The following SNX8 variants were observed in gnomAD, a reference collection of about 807,000 sequenced individuals.
The protein encoded by SNX8 is sorting nexin 8, also known as sorting nexin-8.
A neutral mutation model predicts 51.6 loss-of-function variants in SNX8; 25 were observed. The observed-to-expected ratio is 0.48, with a 90% CI of 0.35 to 0.68. SNX8 has a LOEUF of 0.68. Ranked by LOEUF, SNX8 falls within the 30% of genes least tolerant of loss-of-function variation. SNX8 has a pLI of 0.00. For synonymous variants in SNX8, 324 were observed against 277.0 expected (o/e 1.17, Z -1.68); for missense variants, 695 against 624.0 (o/e 1.11, Z -1.21).
chr7:2,324,905 A>G lies in SNX8; in HGVS notation c.-66+29317T>C, dbSNP rs1408375366. On this transcript the variant is annotated intron_variant, in intron 1 of 5. Coordinates refer to the SNX8 transcript ENST00000435336. ...ACTGCAGCCTCCGTCTCCTGGGTAC[A>G]AGAGATCCTCCTTCCTCAGCCTGCT... 2.0e-5 allele frequency among the ~76,000 whole-genome samples: 3 copies of G among 152,102 alleles called. No homozygotes were observed. In the East Asian group the frequency reaches 5.8e-4, roughly 29 times the overall value.
At chr7:2,293,653 C>A (rs1055026567) in intron 1 of SNX8, among the ~76,000 whole-genome samples, 1 of 149,482 alleles carries the variant, frequency 6.7e-6, no homozygotes, top group Non-Finnish European at 1.5e-5. Context: ...CAAAGCAAGA[C>A]TCCATCTCAA....
intron 1 of SNX8, among the ~76,000 whole-genome samples, chr7:2,345,934 A>G (rs1191676467): frequency 6.6e-6 from 1 of 151,888 alleles, no homozygotes; most frequent in Non-Finnish European, 1.5e-5. Flanking sequence ...CAGCCTCCCG[A>G]GTAGCTGGGA....
intron 10 of SNX8, among the ~76,000 whole-genome samples, chr7:2,256,479 C>G (rs975279715): frequency 6.6e-6 from 1 of 152,250 alleles, no homozygotes; most frequent in African/African-American, 2.4e-5. Context: ...CTGAAGGAAC[C>G]GCCATCTGCT....
chr7:2,303,243 G>GC (rs1166135732), intron 1 of SNX8, among the ~76,000 whole-genome samples: 5 of 142,998 alleles, frequency 3.5e-5, no homozygotes, highest in East Asian at 4.1e-4. Flanking sequence ...CAGGGGGTCA[G>GC]CCCCCCGCCC....
At chr7:2,316,196 C>A (rs147600243), upstream of SNX8, among the ~76,000 whole-genome samples, 536 of 150,688 alleles carry the variant, frequency 3.6e-3, 3 homozygotes, top group African/African-American at 0.012. Flanking sequence ...CTGCATCCTG[C>A]ATTCACTCAC....
intron 1 of SNX8, among the ~76,000 whole-genome samples, chr7:2,348,200 C>T (rs1779069233): frequency 6.6e-6 from 1 of 152,098 alleles, no homozygotes; most frequent in Non-Finnish European, 1.5e-5. Flanking sequence ...TTTCTTCTGC[C>T]AACTCGAATT....
chr7:2,334,505 C>T (rs1460393923), intron 1 of SNX8, among the ~76,000 whole-genome samples: 2 of 151,996 alleles, frequency 1.3e-5, no homozygotes, highest in East Asian at 3.9e-4. Context: ...GGAGACCAGC[C>T]TGGCAAACAC....
Position 2,275,179 on chromosome 7 carries a change from C to G in SNX8, c.351G>C (p.Gln117His). ...YRRYNDFVVF[Q>H]EMLLHKFPYR... ...AGGGGAACTTGTGCAGGAGCATCTC[C>G]TGGAAGACCACGAAGTCATTGTACC... The change falls in exon 3 of 11, where the codon CAG (glutamine) becomes CAC (histidine). Residue 117 changes from glutamine (Q) to histidine (H), a missense_variant. Gln to His is a conservative substitution (Grantham distance 24). Transcript: ENST00000222990. 1 of 1,614,192 alleles carries G rather than the reference C, an allele frequency of 6.2e-7. No homozygotes were observed. The highest frequency in any genetic ancestry group is 8.5e-7 in the Non-Finnish European group (1 of 1,180,018).
intron 1 of SNX8, among the ~76,000 whole-genome samples, chr7:2,350,582 T>C (rs888169600): frequency 5.3e-5 from 8 of 152,166 alleles, no homozygotes; most frequent in African/African-American, 1.9e-4. Context: ...CGCAGAAGGT[T>C]TGCTCTAAGC....
chr7:2,283,389 A>G (rs1475514064), intron 1 of SNX8, among the ~76,000 whole-genome samples: 3 of 151,736 alleles, frequency 2.0e-5, no homozygotes, highest in African/African-American at 7.3e-5. Flanking sequence ...ACTCACACAC[A>G]CCCCCAGCTC....
At chr7:2,263,161 G>A in intron 7 of SNX8, 69 bp downstream of exon 7, 1 of 1,551,162 alleles carries the variant, frequency 6.4e-7, no homozygotes, top group South Asian at 1.2e-5. Context: ...ATCTAAGCAG[G>A]AGGCACTCCC....
At chr7:2,257,644 C>A (rs1237269128) in intron 8 of SNX8, 91 bp downstream of exon 8, 2 of 1,561,708 alleles carry the variant, frequency 1.3e-6, no homozygotes, top group East Asian at 4.5e-5. Flanking sequence ...CTTCTCAGCT[C>A]CTCTTCCGTC....
intron 1 of SNX8, among the ~76,000 whole-genome samples, chr7:2,332,750 G>A (rs989693944): frequency 1.4e-5 from 2 of 145,812 alleles, no homozygotes; most frequent in Non-Finnish European, 3.0e-5. Flanking sequence ...AGAAAAGGAA[G>A]GAAGGAAGGA....
Position 2,339,384 on chromosome 7 carries a change from T to A in SNX8, c.-66+14838A>T, listed in dbSNP as rs535843864. Among the ~76,000 whole-genome samples the A allele has an allele frequency of 9.9e-5, 15 of 151,742 alleles. No individual in the cohort carries two copies. In the East Asian group the frequency reaches 1.2e-3, roughly 12 times the overall value. On this transcript the variant is annotated intron_variant, in intron 1 of 5. Transcript: ENST00000435336. ...CCACGCCCAGCTAATTTTTTTTTTT[T>A]AATTTTAGTAGAGATGGGGTTTCAC...
At chr7:2,257,879 C>T (rs1795231395) in intron 7 of SNX8, 76 bp from the exon 8 acceptor site, 1 of 1,409,596 alleles carries the variant, frequency 7.1e-7, no homozygotes, top group African/African-American at 1.4e-5. Flanking sequence ...AGACCCAAGC[C>T]TGGCCTGGGC....
At chr7:2,257,310 C>G in intron 9 of SNX8, 55 bp downstream of exon 9, 1 of 1,567,306 alleles carries the variant, frequency 6.4e-7, no homozygotes, top group African/African-American at 1.3e-5. Flanking sequence ...CGGGTCCCAC[C>G]ATGGCCGGGA....
intron 2 of SNX8, among the ~76,000 whole-genome samples, chr7:2,277,044 G>A (rs917821635): frequency 1.3e-5 from 2 of 152,248 alleles, no homozygotes; most frequent in East Asian, 1.9e-4. Context: ...GGCCGGGGCT[G>A]GGCCAGGGCC....
At chr7:2,341,473 T>C (rs1562463714) in intron 1 of SNX8, among the ~76,000 whole-genome samples, 1 of 152,008 alleles carries the variant, frequency 6.6e-6, no homozygotes, top group African/African-American at 2.4e-5. Context: ...CACTCCAGCC[T>C]GGGCAACAAG....
intron 1 of SNX8, among the ~76,000 whole-genome samples, chr7:2,347,993 T>C (rs1436954347): frequency 6.6e-6 from 1 of 152,120 alleles, no homozygotes; most frequent in Non-Finnish European, 1.5e-5. Context: ...CCAAGTGCCC[T>C]GCGAGATTGG....
Sources: allele counts gnomAD v4.1 joint callset (sites outside exome capture counted in the v4.1 genomes callset), GRCh38; gene constraint gnomAD v4.1.1; transcripts MANE v1.5; gene names NCBI Gene and HGNC (gene_info 2026-07-23, HGNC 2026-07-21).